The following BAZ1B variants were observed in gnomAD, a reference collection of about 807,000 sequenced individuals.
BAZ1B encodes tyrosine-protein kinase BAZ1B.
Under a neutral mutation model 153.8 loss-of-function variants are expected in BAZ1B, and 22 were observed. The ratio of observed to expected loss-of-function variants is 0.14; its 90% CI spans 0.10 to 0.20. The LOEUF is 0.20. Ranked by LOEUF, BAZ1B falls within the 10% of genes least tolerant of loss-of-function variation. The probability of loss-of-function intolerance (pLI) is 1.00; values close to 1 mark genes in which losing one functional copy is unlikely to be tolerated. For missense variants in BAZ1B, 1,325 were observed against 1,799.3 expected (o/e 0.74, Z 4.77); for synonymous variants, 676 against 633.4 (o/e 1.07, Z -1.01).
chr7:73,498,716 G>C lies in BAZ1B; in HGVS notation c.370-18C>G, dbSNP rs782500391. ...TTCCCAACCTATAAAGGAGGTAGTA[G>C]AGAAAATCAGAGATAATAAACACCC... On this transcript the variant is annotated intron_variant, in intron 3 of 19. Transcript: ENST00000339594. 1.2e-6 allele frequency: 2 copies of C among 1,605,050 alleles called. No individual in the cohort carries two copies. The highest frequency in any genetic ancestry group is 1.7e-6 in the Non-Finnish European group (2 of 1,173,034).
chr7:73,456,308 T>C (rs1029547051), intron 13 of BAZ1B, among the ~76,000 whole-genome samples: 1 of 152,194 alleles, frequency 6.6e-6, no homozygotes, highest in Non-Finnish European at 1.5e-5. Flanking sequence ...TAGGTTAAGT[T>C]AGACTCCATG....
Position 73,450,001 on chromosome 7 carries a change from G to A in BAZ1B, c.3581-312C>T, listed in dbSNP as rs377128137. On this transcript the variant is annotated intron_variant, in intron 14 of 19. Coordinates refer to ENST00000339594, the MANE Select transcript of BAZ1B (RefSeq NM_032408.4). The surrounding 1 kb of genome is among the most constrained non-coding windows in gnomAD (Gnocchi z 4.1). ...GAGTAGGAAATTTTGCTGCTTTTTC[G>A]ACCTCCCCAAACGTTTCTCAACTTA... 4.0e-5 allele frequency among the ~76,000 whole-genome samples: 6 copies of A among 151,732 alleles called. No homozygotes were observed. The highest frequency in any genetic ancestry group is 2.1e-4 in the South Asian group (1 of 4,802).
Position 73,514,934 on chromosome 7 carries a change from A to G in BAZ1B, c.108-4082T>C, listed in dbSNP as rs984436200. On this transcript the variant is annotated intron_variant, in intron 1 of 19. Coordinates refer to ENST00000339594, the MANE Select transcript of BAZ1B (RefSeq NM_032408.4). ...GTCTCTACTAAAAAACTAGCCACGC[A>G]TGGTGGCGGGCGCCTGTAATCCCAG... 2.6e-5 allele frequency among the ~76,000 whole-genome samples: 4 copies of G among 151,182 alleles called. No individual in the cohort carries two copies. In the East Asian group the frequency reaches 7.9e-4, roughly 30 times the overall value.
chr7:73,499,200 G>C (rs1400391995), intron 3 of BAZ1B, among the ~76,000 whole-genome samples: 5 of 151,984 alleles, frequency 3.3e-5, no homozygotes, highest in Non-Finnish European at 4.4e-5. Flanking sequence ...GCTAATTTTT[G>C]TATTTTTAGT....
chr7:73,522,205 C>A lies in BAZ1B; in HGVS notation c.-272G>T. 2.6e-6 allele frequency: 1 copy of A among 391,208 alleles called. No individual in the cohort carries two copies. The highest frequency in any genetic ancestry group is 1.3e-4 in the South Asian group (1 of 7,686). The allele number at this position is 391,208 out of a possible 1,614,324, so 24.2% of individuals were successfully genotyped here. On this transcript the variant is annotated 5_prime_UTR_variant, in exon 1 of 20. Coordinates refer to ENST00000339594, the MANE Select transcript of BAZ1B (RefSeq NM_032408.4). ...GCTTCGGGTCCCGGCGGCCGGCAGT[C>A]ACGACTCCTCCTCAGCAGCACCGGA... is the stretch of plus-strand genomic sequence containing the variant.
At chr7:73,480,068 C>T (rs1789143727) in intron 6 of BAZ1B, among the ~76,000 whole-genome samples, 1 of 151,280 alleles carries the variant, frequency 6.6e-6, no homozygotes, top group Non-Finnish European at 1.5e-5. Context: ...ACTTGGGAGA[C>T]TGAGGCGTGA....
At chr7:73,507,931 G>A (rs183291582) in intron 3 of BAZ1B, among the ~76,000 whole-genome samples, 4 of 152,190 alleles carry the variant, frequency 2.6e-5, no homozygotes. Flanking sequence ...AAGGTGGGTG[G>A]ATCATCTGAA....
intron 6 of BAZ1B, among the ~76,000 whole-genome samples, chr7:73,480,075 G>A (rs181841969): frequency 2.2e-4 from 34 of 151,438 alleles, no homozygotes; most frequent in Admixed American, 9.2e-4. Context: ...AGACTGAGGC[G>A]TGAACCCGCA....
At position 73,459,606 on chromosome 7, in the gene BAZ1B, T is replaced by C. The variant is rs1788324781; in HGVS notation, c.3362A>G (p.Lys1121Arg). 10 of 1,614,132 alleles carry C rather than the reference T, an allele frequency of 6.2e-6. No individual in the cohort carries two copies. Among genetic ancestry groups the C allele is most frequent in the Middle Eastern group, 1.6e-4 (1 of 6,062 alleles). ...GFMAPKQKRRKLQSEDSAKTE... is the reference protein window; with the variant it reads ...GFMAPKQKRRRLQSEDSAKTE... ...TTTTGCTGAATCTTCACTTTGGAGT[T>C]TTCTTCTCTTTTGCTTGGGAGCCAT... The change falls in exon 13 of 20, where the codon AAA becomes AGA. Residue 1121 changes from lysine to arginine, a missense_variant. Physicochemically the swap from Lys to Arg is conservative, Grantham distance 26. Transcript: ENST00000339594.
chr7:73,492,741 C>A (rs1789702158), intron 5 of BAZ1B, 59 bp downstream of exon 5: 1 of 1,479,504 alleles, frequency 6.8e-7, no homozygotes. Context: ...ACAAAAGCAA[C>A]CCTATGATAT....
chr7:73,514,246 G>T (rs1323054322), intron 1 of BAZ1B, among the ~76,000 whole-genome samples: 3 of 152,080 alleles, frequency 2.0e-5, no homozygotes, highest in Non-Finnish European at 4.4e-5. Flanking sequence ...AAAAGTAGGG[G>T]CCGGCCAGGC....
chr7:73,499,053 T>C (rs1790025484), intron 3 of BAZ1B, among the ~76,000 whole-genome samples: 1 of 152,104 alleles, frequency 6.6e-6, no homozygotes, highest in Non-Finnish European at 1.5e-5. Flanking sequence ...TGAGACACAG[T>C]CTCTCTCTGT....
rs529725620 is a variant in BAZ1B at position 73,502,617 on chromosome 7, A to G, written c.370-3919T>C. Among the ~76,000 whole-genome samples the G allele has an allele frequency of 4.9e-3, 623 of 127,342 alleles. 4 individuals carry two copies. The highest frequency in any genetic ancestry group is 8.7e-3 in the Non-Finnish European group (490 of 56,332). The allele number at this position is 127,342 out of a possible 152,430, so 83.5% of individuals were successfully genotyped here. ...AGTGCCTTTGGACTGTAGGATGAGG[A>G]AAAAAAAAAAAAATACAATTAGCCA... On this transcript the variant is annotated intron_variant, in intron 3 of 19. Transcript: ENST00000339594.
chr7:73,466,801 G>C (rs1319204210), intron 9 of BAZ1B, among the ~76,000 whole-genome samples: 1 of 152,228 alleles, frequency 6.6e-6, no homozygotes, highest in Admixed American at 6.5e-5. Flanking sequence ...GAGGCTTCAA[G>C]TGTCAAATAA....
At chr7:73,506,072 A>G (rs1339281932) in intron 3 of BAZ1B, among the ~76,000 whole-genome samples, 1 of 152,240 alleles carries the variant, frequency 6.6e-6, no homozygotes, top group East Asian at 1.9e-4. Context: ...ACATACAGAT[A>G]GATATTTAAC....
intron 3 of BAZ1B, among the ~76,000 whole-genome samples, chr7:73,505,219 A>G (rs1222026915): frequency 1.3e-5 from 2 of 152,192 alleles, no homozygotes; most frequent in African/African-American, 2.4e-5. Context: ...AGATTTTTCC[A>G]GATATGCTTC....
chr7:73,503,683 C>G (rs1384700876), intron 3 of BAZ1B, among the ~76,000 whole-genome samples: 1 of 152,090 alleles, frequency 6.6e-6, no homozygotes, highest in Non-Finnish European at 1.5e-5. Flanking sequence ...CCCATCTTTC[C>G]TCAAACATTT....
chr7:73,448,639 C>T (rs1309424961), intron 15 of BAZ1B, among the ~76,000 whole-genome samples: 1 of 152,162 alleles, frequency 6.6e-6, no homozygotes, highest in Non-Finnish European at 1.5e-5. Flanking sequence ...GAAATTTTAG[C>T]GAAGCCATGG....
chr7:73,458,033 G>A (rs1303461546), intron 13 of BAZ1B, among the ~76,000 whole-genome samples: 2 of 152,162 alleles, frequency 1.3e-5, no homozygotes, highest in African/African-American at 4.8e-5. Context: ...GTTCTGTCAG[G>A]CATTCTAGCA....
Sources: allele counts gnomAD v4.1 joint callset (sites outside exome capture counted in the v4.1 genomes callset), GRCh38; gene constraint gnomAD v4.1.1; non-coding constraint Gnocchi (gnomAD v3.1); transcripts MANE v1.5; gene names NCBI Gene and HGNC (gene_info 2026-07-23, HGNC 2026-07-21).